MYRIP: variants seen among roughly 807,000 people sequenced by gnomAD.
The protein encoded by MYRIP is rab effector MyRIP.
MYRIP carries 49 observed loss-of-function variants against 98.0 expected under a neutral mutation model. The ratio of observed to expected loss-of-function variants is 0.50; its 90% CI spans 0.40 to 0.63. MYRIP has a LOEUF of 0.63. Ranked by LOEUF, MYRIP falls within the 30% of genes least tolerant of loss-of-function variation. The pLI, the probability that MYRIP is intolerant of heterozygous loss-of-function variation, is 0.00. For missense variants in MYRIP, 1,004 were observed against 1,058.2 expected (o/e 0.95, Z 0.71); for synonymous variants, 404 against 409.5 (o/e 0.99, Z 0.16).
chr3:40,170,042 T>G lies in MYRIP; in HGVS notation c.822T>G (p.Asp274Glu). 4.3e-6 allele frequency: 7 copies of G among 1,614,248 alleles called. No homozygotes were observed. The highest frequency in any genetic ancestry group is 5.1e-6 in the Non-Finnish European group (6 of 1,180,042). ...AGAGTTGCAGCACAAAGGTGGCAGA[T>G]GAGGGGACCTCAGCATCCCCTGGAG... is the stretch of plus-strand genomic sequence containing the variant. ...HPQSCSTKVA[D>E]EGTSASPGGY... Residue 274 changes from aspartate to glutamate, a missense_variant, in exon 8 of 17, where the codon GAT (aspartate) becomes GAG (glutamate). By Grantham distance (45) the Asp-to-Glu change is conservative. This residue lies in a region of MYRIP where 880 missense variants were observed against 907.7 expected (regional missense o/e 0.97). Coordinates refer to ENST00000302541, the MANE Select transcript of MYRIP (RefSeq NM_015460.4).
At chr3:40,029,529 T>C (rs942209926) in intron 2 of MYRIP, among the ~76,000 whole-genome samples, 2 of 152,196 alleles carry the variant, frequency 1.3e-5, no homozygotes, top group Non-Finnish European at 2.9e-5. Flanking sequence ...TTATGATATA[T>C]TGTTAAGTAA....
chr3:40,100,509 G>C (rs1490555373), intron 3 of MYRIP, among the ~76,000 whole-genome samples: 1 of 152,222 alleles, frequency 6.6e-6, no homozygotes, highest in East Asian at 1.9e-4. Flanking sequence ...GGTGGAAAAA[G>C]TATTTCTCCT....
chr3:40,147,444 C>T lies in MYRIP; in HGVS notation c.333-3604C>T, dbSNP rs115425623. On this transcript the variant is annotated intron_variant, in intron 3 of 16. Coordinates refer to ENST00000302541, the MANE Select transcript of MYRIP (RefSeq NM_015460.4). ...CAATAACAAATGCACATGTCTTGAC[C>T]GTGTGATCATTTTATACTTTGTCTA... Among the ~76,000 whole-genome samples, 278 of 152,138 alleles carry T rather than the reference C, an allele frequency of 1.8e-3. 1 individual carries two copies. The highest frequency in any genetic ancestry group is 6.1e-3 in the African/African-American group (253 of 41,504).
At chr3:39,904,741 G>C (rs1323104226) in intron 2 of MYRIP, among the ~76,000 whole-genome samples, 2 of 152,080 alleles carry the variant, frequency 1.3e-5, no homozygotes, top group Non-Finnish European at 2.9e-5. Flanking sequence ...CATCGTGGTT[G>C]GTGTGTAGAT....
intron 2 of MYRIP, among the ~76,000 whole-genome samples, chr3:39,910,762 C>A (rs1298657730): frequency 6.6e-6 from 1 of 151,906 alleles, no homozygotes; most frequent in Admixed American, 6.5e-5. Context: ...ATATATGGCT[C>A]ACATTATATT....
intron 3 of MYRIP, among the ~76,000 whole-genome samples, chr3:40,150,371 A>G (rs576547281): frequency 7.5e-4 from 115 of 152,322 alleles, no homozygotes; most frequent in African/African-American, 2.2e-3. Context: ...GATTACAGGC[A>G]TGAGCCACAG....
intron 2 of MYRIP, among the ~76,000 whole-genome samples, chr3:39,920,231 T>G (rs1346729800): frequency 6.6e-6 from 1 of 151,620 alleles, no homozygotes; most frequent in African/African-American, 2.4e-5. Flanking sequence ...GTCCATGAAT[T>G]CCATAATTAT....
At chr3:39,972,869 C>T (rs1173285914) in intron 2 of MYRIP, among the ~76,000 whole-genome samples, 1 of 151,410 alleles carries the variant, frequency 6.6e-6, no homozygotes, top group African/African-American at 2.4e-5. Flanking sequence ...AGTCCATGCC[C>T]TGCAAGTCTT....
At chr3:39,928,994 C>A (rs550871090) in intron 2 of MYRIP, among the ~76,000 whole-genome samples, 53 of 151,964 alleles carry the variant, frequency 3.5e-4, no homozygotes, top group African/African-American at 1.2e-3. Flanking sequence ...CCAAGATAAA[C>A]CTACAAAAAT....
At chr3:40,251,393 C>T (rs1440644910) in intron 15 of MYRIP, among the ~76,000 whole-genome samples, 1 of 152,198 alleles carries the variant, frequency 6.6e-6, no homozygotes, top group Admixed American at 6.5e-5. Flanking sequence ...TAATATAGTA[C>T]ACGTGCTGTA....
At chr3:39,842,058 G>A (rs1016479699) in intron 1 of MYRIP, among the ~76,000 whole-genome samples, 2 of 152,188 alleles carry the variant, frequency 1.3e-5, no homozygotes, top group Non-Finnish European at 2.9e-5. Flanking sequence ...TGTGCCCACA[G>A]CCGCCCCTCC....
At chr3:39,953,883 G>A (rs1945089949) in intron 2 of MYRIP, among the ~76,000 whole-genome samples, 1 of 152,172 alleles carries the variant, frequency 6.6e-6, no homozygotes, top group Non-Finnish European at 1.5e-5. Context: ...GACTCAGAGG[G>A]TCCCACGCCC....
At chr3:39,955,425 C>T (rs1218187511) in intron 2 of MYRIP, among the ~76,000 whole-genome samples, 1 of 152,106 alleles carries the variant, frequency 6.6e-6, no homozygotes, top group Non-Finnish European at 1.5e-5. Context: ...TCCAGCCAAA[C>T]TAAGCTTCAT....
At position 39,876,793 on chromosome 3, in the gene MYRIP, C is replaced by G. The variant is rs552852644; in HGVS notation, c.-30-23994C>G. Among the ~76,000 whole-genome samples the G allele has an allele frequency of 2.2e-4, 34 of 152,206 alleles. 1 individual carries two copies. Among genetic ancestry groups the G allele is most frequent in the East Asian group, 9.6e-4 (5 of 5,182 alleles). On this transcript the variant is annotated intron_variant, in intron 1 of 16. Coordinates refer to ENST00000302541, the MANE Select transcript of MYRIP (RefSeq NM_015460.4). ...CTTAACATTTTTTCCTTCATTTCAACTTTGGTGAATCTGACAATTATGTGT... is the reference window on the plus strand; with the variant it reads ...CTTAACATTTTTTCCTTCATTTCAAGTTTGGTGAATCTGACAATTATGTGT...
chr3:39,918,457 C>T (rs1457966066), intron 2 of MYRIP, among the ~76,000 whole-genome samples: 3 of 152,092 alleles, frequency 2.0e-5, no homozygotes, highest in African/African-American at 7.2e-5. Flanking sequence ...CCTAACTTGT[C>T]TTTTATATCT....
intron 1 of MYRIP, among the ~76,000 whole-genome samples, chr3:39,891,972 A>G (rs1402855626): frequency 1.3e-5 from 2 of 151,688 alleles, no homozygotes; most frequent in African/African-American, 4.8e-5. Flanking sequence ...ATCTTTAGTT[A>G]TAGTACTTCA....
intron 3 of MYRIP, among the ~76,000 whole-genome samples, chr3:40,083,197 G>A (rs1948518371): frequency 6.6e-6 from 1 of 152,174 alleles, no homozygotes; most frequent in South Asian, 2.1e-4. Context: ...CCTAGAGAAG[G>A]AACAAACAGA....
intron 2 of MYRIP, among the ~76,000 whole-genome samples, chr3:40,035,555 C>T (rs1267846210): frequency 5.3e-5 from 8 of 151,790 alleles, no homozygotes; most frequent in South Asian, 2.1e-4. Context: ...CCTCTAAGAA[C>T]TGAATATAAG....
intron 3 of MYRIP, among the ~76,000 whole-genome samples, chr3:40,105,774 G>A (rs1453770200): frequency 4.6e-5 from 7 of 152,148 alleles, no homozygotes; most frequent in Admixed American, 2.6e-4. Flanking sequence ...AGAGAGAGAA[G>A]AGTGAGGCAG....
Sources: gnomAD v4.1 joint callset for allele counts (sites outside exome capture counted in the v4.1 genomes callset) on GRCh38, gnomAD v4.1.1 for gene constraint, gnomAD v4.1.1 regional missense constraint, MANE v1.5 for transcripts, NCBI Gene and HGNC (gene_info 2026-07-23, HGNC 2026-07-21) for gene names.